The following SERPINA6 variants were observed in gnomAD, a reference collection of about 807,000 sequenced individuals.
SERPINA6 encodes the protein serpin family A member 6.
SERPINA6 carries 19 observed loss-of-function variants against 26.4 expected under a neutral mutation model. The ratio of observed to expected loss-of-function variants is 0.72; its 90% CI spans 0.50 to 1.06. The LOEUF (loss-of-function observed/expected upper bound fraction) is 1.06, where lower values mean the gene tolerates loss of function less well. Among genes scored for constraint, SERPINA6 ranks in the 50% least tolerant of loss-of-function variants. The pLI is 0.00. For missense variants in SERPINA6, 473 were observed against 504.0 expected (o/e 0.94, Z 0.59); for synonymous variants, 196 against 199.4 (o/e 0.98, Z 0.14).
intron 4 of SERPINA6, 26 bp from the exon 5 acceptor site, chr14:94,304,629 T>TAGTG (rs758394660): frequency 6.3e-7 from 1 of 1,594,566 alleles, no homozygotes; most frequent in South Asian, 1.1e-5. Flanking sequence ...TGAAGATGGG[T>TAGTG]AGTGAGACCT....
chr14:94,319,806 T>C (rs558705124), intron 1 of SERPINA6, among the ~76,000 whole-genome samples: 4 of 151,910 alleles, frequency 2.6e-5, no homozygotes, highest in African/African-American at 9.7e-5. Flanking sequence ...CAACGGGAGA[T>C]TGGGGAGTTA....
chr14:94,315,728 A>T (rs988970830), intron 1 of SERPINA6, among the ~76,000 whole-genome samples: 6 of 152,230 alleles, frequency 3.9e-5, no homozygotes, highest in Admixed American at 3.9e-4. Context: ...ATTTTGAATT[A>T]AAAAAGTTCC....
At position 94,314,192 on chromosome 14, in the gene SERPINA6, A is replaced by T. The variant is rs374185317; in HGVS notation, c.457T>A (p.Ser153Thr). The change falls in exon 2 of 5, where the codon TCA becomes ACA. Residue 153 changes from serine to threonine, a missense_variant. By Grantham distance (58) the Ser-to-Thr change is moderately conservative (BLOSUM62 1). Coordinates refer to ENST00000341584, the MANE Select transcript of SERPINA6 (RefSeq NM_001756.4). ...TGGAAATTCATAGCCAAGACCTCTG[A>T]CTCATAGTAGTGCTTGATGTCTGCT... ...FSADIKHYYE[S>T]EVLAMNFQDW... 6.2e-7 allele frequency: 1 copy of T among 1,613,982 alleles called. No homozygotes were observed. Among genetic ancestry groups the T allele is most frequent in the African/African-American group, 1.3e-5 (1 of 74,880 alleles).
chr14:94,308,142 C>T (rs181045909), intron 3 of SERPINA6, among the ~76,000 whole-genome samples: 3 of 152,372 alleles, frequency 2.0e-5, no homozygotes, highest in African/African-American at 7.2e-5. Context: ...AACTTCCATT[C>T]ACACTCAAAG....
intron 2 of SERPINA6, among the ~76,000 whole-genome samples, chr14:94,311,990 G>A (rs1299206066): frequency 3.3e-5 from 5 of 151,948 alleles, no homozygotes; most frequent in Admixed American, 6.6e-5. Context: ...ACACATCAGG[G>A]CCATTTTACA....
rs1294497686 is a variant in SERPINA6, at chr14:94,313,968, C to T, written c.613+68G>A. The stretch of plus-strand genomic sequence containing the variant: ...CAAAGACTTTGCCCAAGAGTGTGCC[C>T]TGGATTTTAGCGGCTGTTATTCCTG... On this transcript the variant is annotated intron_variant, in intron 2 of 4. Coordinates refer to ENST00000341584, the MANE Select transcript of SERPINA6 (RefSeq NM_001756.4). 3 of 1,575,694 alleles carry T rather than the reference C, an allele frequency of 1.9e-6. No homozygotes were observed. The African/African-American group carries it at 4.0e-5, about 21-fold the overall frequency.
At chr14:94,312,664 G>A (rs1356717265) in intron 2 of SERPINA6, among the ~76,000 whole-genome samples, 1 of 152,206 alleles carries the variant, frequency 6.6e-6, no homozygotes, top group East Asian at 1.9e-4. Flanking sequence ...ACCATCCTGC[G>A]AAGAGGGCGG....
In SERPINA6 at chr14:94,314,228, C is replaced by T. The variant is rs773169450; in HGVS notation, c.421G>A (p.Glu141Lys). 8.7e-6 allele frequency: 14 copies of T among 1,614,028 alleles called. No individual in the cohort carries two copies. In the African/African-American group the frequency reaches 1.7e-4, roughly 20 times the overall value. ...LFLDGSLELLESFSADIKHYY... is the reference protein window; with the variant it reads ...LFLDGSLELLKSFSADIKHYY... The stretch of plus-strand genomic sequence containing the variant: ...TGCTTGATGTCTGCTGAGAATGACT[C>T]CAGCAACTCCAGGCTGCCATCAAGA... The change falls in exon 2 of 5, where the codon GAG becomes AAG. Residue 141 changes from glutamate to lysine, a missense_variant. Coordinates refer to ENST00000341584, the MANE Select transcript of SERPINA6 (RefSeq NM_001756.4).
At chr14:94,321,892 G>A (rs547722064) in intron 1 of SERPINA6, among the ~76,000 whole-genome samples, 12 of 152,272 alleles carry the variant, frequency 7.9e-5, no homozygotes, top group Admixed American at 2.0e-4. Context: ...ATGGTAGGAT[G>A]GGCTCCCCTG....
chr14:94,310,367 C>A (rs776469201), intron 2 of SERPINA6, among the ~76,000 whole-genome samples: 9 of 152,078 alleles, frequency 5.9e-5, no homozygotes, highest in Non-Finnish European at 1.3e-4. Flanking sequence ...GGTGCTAGAC[C>A]TCAAGTCTCA....
At position 94,309,769 on chromosome 14, in the gene SERPINA6, G is replaced by C; in HGVS notation, c.851C>G (p.Thr284Arg). 3.1e-6 allele frequency: 5 copies of C among 1,614,136 alleles called. No homozygotes were observed. Among genetic ancestry groups the C allele is most frequent in the Non-Finnish European group, 4.2e-6 (5 of 1,180,028 alleles). The change falls in exon 3 of 5, where the codon ACG (threonine) becomes AGG (arginine). Residue 284 changes from threonine (T) to arginine (R), a missense_variant. Coordinates refer to ENST00000341584, the MANE Select transcript of SERPINA6 (RefSeq NM_001756.4). ...NTVIAALSRDTINRWSAGLTS... is the reference protein window; with the variant it reads ...NTVIAALSRDRINRWSAGLTS... ...CAGGCCTGCGGACCACCTGTTAATC[G>C]TGTCCCGGCTCAGTGCAGCGATGAC...
At chr14:94,320,994 C>T (rs565383863) in intron 1 of SERPINA6, among the ~76,000 whole-genome samples, 22 of 152,110 alleles carry the variant, frequency 1.4e-4, no homozygotes, top group Admixed American at 2.6e-4. Context: ...TCCTGGGTTT[C>T]GTGGCAGATC....
chr14:94,314,883 G>A lies in SERPINA6; in HGVS notation c.-19-216C>T, dbSNP rs541876483. The A allele has an allele frequency of 1.2e-4, 72 of 610,724 alleles. No homozygotes were observed. In the South Asian group the frequency reaches 1.3e-3, roughly 11 times the overall value. The allele number at this position is 610,724 out of a possible 1,614,324, so 37.8% of individuals were successfully genotyped here. ...TTATGATTTATCCAGTGCCTGACAG[G>A]TACCCAACACTGATCTAGGTAGTCT... is the stretch of plus-strand genomic sequence containing the variant. On this transcript the variant is annotated intron_variant, in intron 1 of 4. Transcript: ENST00000341584.
intron 2 of SERPINA6, among the ~76,000 whole-genome samples, chr14:94,311,069 T>A (rs8005533): frequency 6.6e-6 from 1 of 152,010 alleles, no homozygotes; most frequent in Non-Finnish European, 1.5e-5. Context: ...TTGTAATAGC[T>A]ACTTATGGAG....
chr14:94,323,041 T>A (rs1895706056), intron 1 of SERPINA6, among the ~76,000 whole-genome samples: 1 of 152,214 alleles, frequency 6.6e-6, no homozygotes, highest in Non-Finnish European at 1.5e-5. Flanking sequence ...GCCCCCTGCA[T>A]GGCAGGAACC....
At chr14:94,306,362 G>A (rs1895440475) in intron 3 of SERPINA6, 144 bp from the exon 4 acceptor site, 1 of 831,954 alleles carries the variant, frequency 1.2e-6, no homozygotes. Context: ...GCTCTTTGTG[G>A]GTAGGAGAAG....
rs1273131587 is a variant in SERPINA6, at chr14:94,323,323, A to G, written c.-76T>C. On this transcript the variant is annotated 5_prime_UTR_variant, in exon 1 of 5. Coordinates refer to ENST00000341584, the MANE Select transcript of SERPINA6 (RefSeq NM_001756.4). ...GCTTGGTCCTGCTGTCCTGGACCCT[A>G]GCATGTGTACAGTAAGCCTGCGGTG... is the stretch of plus-strand genomic sequence containing the variant. 1 of 152,250 alleles carries G rather than the reference A, an allele frequency of 6.6e-6. No individual in the cohort carries two copies. The highest frequency in any genetic ancestry group is 1.5e-5 in the Non-Finnish European group (1 of 68,136). 9.4% of individuals were successfully genotyped at this position (152,250 alleles called of 1,614,324 possible).
chr14:94,307,075 C>A (rs1427466284), intron 3 of SERPINA6, among the ~76,000 whole-genome samples: 2 of 152,098 alleles, frequency 1.3e-5, no homozygotes, highest in African/African-American at 4.8e-5. Context: ...TGGAAGCCGC[C>A]CTTTTCTAAA....
intron 3 of SERPINA6, among the ~76,000 whole-genome samples, chr14:94,307,875 T>G (rs1182062023): frequency 6.6e-6 from 1 of 152,166 alleles, no homozygotes; most frequent in Non-Finnish European, 1.5e-5. Flanking sequence ...TGGATGAACT[T>G]CTCTAGAAGC....
Sources: allele counts gnomAD v4.1 joint callset (sites outside exome capture counted in the v4.1 genomes callset), GRCh38; gene constraint gnomAD v4.1.1; transcripts MANE v1.5; gene names NCBI Gene and HGNC (gene_info 2026-07-23, HGNC 2026-07-21).